The following DIAPH3 variants were observed in gnomAD, a reference collection of about 807,000 sequenced individuals.
DIAPH3 encodes protein diaphanous homolog 3.
DIAPH3 carries 117 observed loss-of-function variants against 144.3 expected under a neutral mutation model. That is an observed-to-expected ratio of 0.81 (90% CI 0.70 to 0.95). The LOEUF is 0.95. Ranked by LOEUF, DIAPH3 falls within the 40% of genes least tolerant of loss-of-function variation. DIAPH3 has a pLI of 0.00. For missense variants in DIAPH3, 1,421 were observed against 1,412.7 expected, an observed-to-expected ratio of 1.01 and a Z score of -0.09; for synonymous variants, 519 against 488.9, an observed-to-expected ratio of 1.06 and a Z score of -0.81.
At chr13:59,726,142 A>T (rs2035594172) in intron 27 of DIAPH3, among the ~76,000 whole-genome samples, 1 of 152,206 alleles carries the variant, frequency 6.6e-6, no homozygotes, top group Non-Finnish European at 1.5e-5. Flanking sequence ...TGCATGTATT[A>T]TTTCATATAG....
At chr13:59,773,920 A>G (rs1191386196) in intron 27 of DIAPH3, 3 of 390,476 alleles carry the variant, frequency 7.7e-6, no homozygotes, top group Admixed American at 4.2e-5. Context: ...AACACTGATC[A>G]GCAATGATTG....
chr13:59,906,493 C>T (rs1006597275), intron 20 of DIAPH3, among the ~76,000 whole-genome samples: 2 of 152,096 alleles, frequency 1.3e-5, no homozygotes, highest in African/African-American at 4.8e-5. Context: ...GAATGTTTTA[C>T]AACAAGAATA....
chr13:60,163,683 G>T lies in DIAPH3; in HGVS notation c.84C>A (p.Arg28=), dbSNP rs201724509. The change falls in exon 1 of 28, where the codon CGC becomes CGA. Residue 28 remains arginine, a synonymous_variant. Transcript: ENST00000400324. The part of the protein sequence containing the change: ...GTPYPSSASL[R]GCRESKMPRR... ...GCGGCATCTTGCTTTCCCGGCAGCC[G>T]CGGAGAGAGGCTGAGGAAGGGTAGG... The T allele has an allele frequency of 5.0e-4, 804 of 1,607,602 alleles. 3 individuals are homozygous for T. Among genetic ancestry groups the T allele is most frequent in the Non-Finnish European group, 5.1e-4 (603 of 1,175,534 alleles).
At chr13:59,861,266 ACT>A (rs1392336145) in intron 22 of DIAPH3, 139 bp downstream of exon 22, 1 of 1,540,818 alleles carries the variant, frequency 6.5e-7, no homozygotes, top group South Asian at 1.2e-5. Context: ...ATATCCTACA[ACT>A]CTCTTTATTT....
chr13:60,057,877 A>G (rs1423849740), intron 4 of DIAPH3, among the ~76,000 whole-genome samples: 1 of 151,822 alleles, frequency 6.6e-6, no homozygotes, highest in South Asian at 2.1e-4. Flanking sequence ...TATCACTCAC[A>G]ATATATAAAA....
intron 27 of DIAPH3, among the ~76,000 whole-genome samples, chr13:59,692,426 C>T (rs9538501): frequency 0.082 from 11,847 of 144,620 alleles, 704 homozygotes; most frequent in Middle Eastern, 0.2. Flanking sequence ...CATCCCCCGA[C>T]ACCAAATAAG....
intron 9 of DIAPH3, among the ~76,000 whole-genome samples, chr13:60,005,074 G>T (rs2052770084): frequency 6.6e-6 from 1 of 152,264 alleles, no homozygotes; most frequent in South Asian, 2.1e-4. Flanking sequence ...AATGTTCACA[G>T]CAGCATTTTT....
chr13:59,786,049 G>C (rs953507659), intron 25 of DIAPH3, among the ~76,000 whole-genome samples: 2 of 152,166 alleles, frequency 1.3e-5, no homozygotes, highest in Admixed American at 6.5e-5. Context: ...CCAGGAGGCA[G>C]AGGTTGCAGT....
chr13:59,718,011 C>A (rs1157321279), intron 27 of DIAPH3, among the ~76,000 whole-genome samples: 1 of 152,102 alleles, frequency 6.6e-6, no homozygotes, highest in Non-Finnish European at 1.5e-5. Flanking sequence ...GAAAAATTAA[C>A]AATGACTGAG....
chr13:59,855,332 C>T (rs182230596), intron 22 of DIAPH3, among the ~76,000 whole-genome samples: 64 of 152,180 alleles, frequency 4.2e-4, no homozygotes, highest in African/African-American at 1.4e-3. Flanking sequence ...TATATCTCAT[C>T]ATACCTTTTT....
At chr13:59,732,731 G>T (rs1227762728) in intron 27 of DIAPH3, among the ~76,000 whole-genome samples, 1 of 152,080 alleles carries the variant, frequency 6.6e-6, no homozygotes, top group Admixed American at 6.6e-5. Flanking sequence ...GATTACGGGT[G>T]TGAGTCACTG....
intron 27 of DIAPH3, among the ~76,000 whole-genome samples, chr13:59,701,297 T>C (rs76646956): frequency 1.3e-5 from 2 of 152,194 alleles, no homozygotes; most frequent in East Asian, 3.9e-4. Context: ...TCATTATACA[T>C]CAATTAGATG....
At chr13:59,940,503 C>T (rs2048475071) in intron 17 of DIAPH3, among the ~76,000 whole-genome samples, 2 of 152,252 alleles carry the variant, frequency 1.3e-5, no homozygotes, top group South Asian at 4.1e-4. Context: ...GGGACTCTGG[C>T]TCATGTCAAA....
chr13:59,681,533 C>T (rs548851066), intron 27 of DIAPH3, among the ~76,000 whole-genome samples: 3 of 151,902 alleles, frequency 2.0e-5, no homozygotes, highest in Admixed American at 1.3e-4. Context: ...AAATAAGGAA[C>T]TCAAATTTAG....
chr13:60,067,352 T>C (rs1258492936), intron 4 of DIAPH3, among the ~76,000 whole-genome samples: 1 of 152,128 alleles, frequency 6.6e-6, no homozygotes, highest in Non-Finnish European at 1.5e-5. Flanking sequence ...CCAATGCATT[T>C]ACTCAACCAA....
intron 25 of DIAPH3, among the ~76,000 whole-genome samples, chr13:59,783,203 G>T (rs2038839196): frequency 6.6e-6 from 1 of 152,074 alleles, no homozygotes; most frequent in Admixed American, 6.6e-5. Context: ...TACAGAAGTG[G>T]TGAAAATAGA....
intron 27 of DIAPH3, among the ~76,000 whole-genome samples, chr13:59,728,129 G>T (rs1341035732): frequency 6.6e-6 from 1 of 151,876 alleles, no homozygotes; most frequent in Non-Finnish European, 1.5e-5. Context: ...AGTCCTACAT[G>T]AGTTGAAATA....
intron 5 of DIAPH3, among the ~76,000 whole-genome samples, chr13:60,022,700 C>T (rs2054113206): frequency 1.3e-5 from 2 of 152,130 alleles, no homozygotes; most frequent in African/African-American, 2.4e-5. Context: ...TTTATGACCT[C>T]ATCTTAATTA....
chr13:59,883,920 C>T lies in DIAPH3; in HGVS notation c.2368-4452G>A, dbSNP rs1049298736. Among the ~76,000 whole-genome samples, 11 of 152,272 alleles carry T rather than the reference C, an allele frequency of 7.2e-5. No individual in the cohort carries two copies. The South Asian group carries it at 1.5e-3, about 20-fold the overall frequency. On this transcript the variant is annotated intron_variant, in intron 20 of 27. Coordinates refer to ENST00000400324, the MANE Select transcript of DIAPH3 (RefSeq NM_001042517.2). ...CCTCCTTAATATACCCAACTACCTCCTATTGTGCTGAATCTTTAATACTTT... is the reference window on the plus strand; with the variant it reads ...CCTCCTTAATATACCCAACTACCTCTTATTGTGCTGAATCTTTAATACTTT...
Sources: gnomAD v4.1 joint callset for allele counts (sites outside exome capture counted in the v4.1 genomes callset) on GRCh38, gnomAD v4.1.1 for gene constraint, MANE v1.5 for transcripts, NCBI Gene and HGNC (gene_info 2026-07-23, HGNC 2026-07-21) for gene names.